Variants in CALCR observed in about 807,000 individuals in gnomAD.
CALCR encodes the protein calcitonin receptor.
In CALCR, 47 loss-of-function variants were observed where a neutral mutation model predicts 59.5. The observed-to-expected ratio is 0.79, with a 90% confidence interval of 0.63 to 1.01. The LOEUF (loss-of-function observed/expected upper bound fraction) is 1.01, where lower values mean the gene tolerates loss of function less well. CALCR is among the 50% of genes least tolerant of loss of function. CALCR has a pLI of 0.00. For synonymous variants in CALCR, 213 were observed against 211.3 expected (o/e 1.01, Z -0.07); for missense variants, 566 against 597.1 (o/e 0.95, Z 0.54).
At chr7:93,509,001 C>T (rs1801486881) in intron 2 of CALCR, among the ~76,000 whole-genome samples, 2 of 152,134 alleles carry the variant, frequency 1.3e-5, no homozygotes, top group Admixed American at 6.5e-5. Context: ...GCTATTCTAT[C>T]TCATCTCATG....
chr7:93,522,091 T>C (rs1393860803), intron 2 of CALCR, among the ~76,000 whole-genome samples: 1 of 152,120 alleles, frequency 6.6e-6, no homozygotes, highest in Admixed American at 6.6e-5. Flanking sequence ...TTTGCATGAG[T>C]GTCTGAGCGG....
At chr7:93,460,278 G>A (rs376382992) in intron 8 of CALCR, among the ~76,000 whole-genome samples, 51 of 152,004 alleles carry the variant, frequency 3.4e-4, no homozygotes, top group African/African-American at 1.2e-3. Context: ...GGTTTGGGCC[G>A]GGTGTGGTGG....
Position 93,428,571 on chromosome 7 carries a change from C to T in CALCR, c.1192-1982G>A, listed in dbSNP as rs1234376350. ...ATCCCAGCACTTTGGGAGGCCGAGG[C>T]GGGCAGATCATGAGATCAGGAGATC... On this transcript the variant is annotated intron_variant, in intron 13 of 13. Transcript: ENST00000426151. 7.9e-5 allele frequency among the ~76,000 whole-genome samples: 12 copies of T among 152,190 alleles called. No individual in the cohort carries two copies. In the East Asian group the frequency reaches 1.7e-3, roughly 22 times the overall value.
chr7:93,429,471 TTATATC>T (rs1197463772), intron 13 of CALCR, among the ~76,000 whole-genome samples: 16 of 152,218 alleles, frequency 1.1e-4, no homozygotes, highest in African/African-American at 2.9e-4. Flanking sequence ...TTTTTCCTGA[TTATATC>T]TATTTATGTA....
At chr7:93,440,104 T>G (rs1163014070) in intron 9 of CALCR, among the ~76,000 whole-genome samples, 1 of 152,164 alleles carries the variant, frequency 6.6e-6, no homozygotes, top group African/African-American at 2.4e-5. Context: ...ATTAAATGAA[T>G]GGGCTTTACA....
chr7:93,447,368 T>C (rs984889552), intron 8 of CALCR, among the ~76,000 whole-genome samples: 2 of 151,988 alleles, frequency 1.3e-5, no homozygotes, highest in African/African-American at 4.8e-5. Context: ...CTACATAACA[T>C]AGGAAATCTT....
At chr7:93,440,888 T>C (rs896872255) in intron 9 of CALCR, among the ~76,000 whole-genome samples, 2 of 152,168 alleles carry the variant, frequency 1.3e-5, no homozygotes, top group Admixed American at 6.5e-5. Flanking sequence ...CTAAGTGTAA[T>C]GTTCTTTGGG....
At chr7:93,557,383 A>G (rs997733067) in intron 2 of CALCR, among the ~76,000 whole-genome samples, 2 of 151,940 alleles carry the variant, frequency 1.3e-5, no homozygotes, top group African/African-American at 2.4e-5. Context: ...TAACATATAC[A>G]AGAAAAAAAT....
At position 93,436,879 on chromosome 7, in the gene CALCR, G is replaced by C. The variant is rs186600657; in HGVS notation, c.931-709C>G. 3.3e-5 allele frequency among the ~76,000 whole-genome samples: 5 copies of C among 152,184 alleles called. No individual in the cohort carries two copies. The East Asian group carries it at 9.7e-4, about 29-fold the overall frequency. ...TAAATACATGTTTGATATTTTTTCT[G>C]TATGTATATCTTATTGACCATCTCC... On this transcript the variant is annotated intron_variant, in intron 11 of 13. Coordinates refer to ENST00000426151, the MANE Select transcript of CALCR (RefSeq NM_001742.4).
At chr7:93,498,482 A>C (rs547266501) in intron 2 of CALCR, among the ~76,000 whole-genome samples, 1 of 151,850 alleles carries the variant, frequency 6.6e-6, no homozygotes, top group South Asian at 2.1e-4. Flanking sequence ...AACCTCACGT[A>C]TACTTTATAG....
At chr7:93,444,687 C>T (rs753359469) in intron 8 of CALCR, among the ~76,000 whole-genome samples, 1 of 152,004 alleles carries the variant, frequency 6.6e-6, no homozygotes, top group Non-Finnish European at 1.5e-5. Context: ...GTTGAGGATG[C>T]GTGACTGAGG....
At chr7:93,521,898 G>A (rs563964251) in intron 2 of CALCR, among the ~76,000 whole-genome samples, 33 of 152,182 alleles carry the variant, frequency 2.2e-4, no homozygotes, top group Non-Finnish European at 4.4e-4. Flanking sequence ...TTGTTATGTG[G>A]TCAAGCTCTG....
At chr7:93,510,965 T>A (rs1801533555) in intron 2 of CALCR, among the ~76,000 whole-genome samples, 1 of 151,918 alleles carries the variant, frequency 6.6e-6, no homozygotes, top group Admixed American at 6.6e-5. Context: ...GAAGCAAAGC[T>A]AGTTAGGGAA....
rs536760099 is a variant in CALCR, at chr7:93,499,689, G to A, written c.-26-12682C>T. ...TGAAACTCTGGTAAATATATGATTG[G>A]TTAAATATGTTGGTGCTTGGTTTTG... On this transcript the variant is annotated intron_variant, in intron 2 of 13. Coordinates refer to ENST00000426151, the MANE Select transcript of CALCR (RefSeq NM_001742.4). Among the ~76,000 whole-genome samples the A allele has an allele frequency of 1.9e-3, 283 of 151,814 alleles. 1 individual carries two copies. The highest frequency in any genetic ancestry group is 6.6e-3 in the African/African-American group (273 of 41,496).
chr7:93,512,199 ACAGAAAGGAC>A (rs1801560687), intron 2 of CALCR, among the ~76,000 whole-genome samples: 4 of 152,156 alleles, frequency 2.6e-5, no homozygotes, highest in Admixed American at 2.6e-4. Context: ...TGTGACTATT[ACAGAAAGGAC>A]CTCAAAACGT....
chr7:93,459,435 C>G (rs934851939), intron 8 of CALCR, among the ~76,000 whole-genome samples: 1 of 149,822 alleles, frequency 6.7e-6, no homozygotes, highest in African/African-American at 2.5e-5. Context: ...CCTCCAAAAT[C>G]CTTTTTAGTT....
At chr7:93,483,187 T>C (rs1424955282) in intron 3 of CALCR, among the ~76,000 whole-genome samples, 1 of 151,890 alleles carries the variant, frequency 6.6e-6, no homozygotes, top group African/African-American at 2.4e-5. Context: ...TATTTGCATA[T>C]AACCTATGTA....
At chr7:93,558,432 T>G (rs1459773388) in intron 2 of CALCR, among the ~76,000 whole-genome samples, 1 of 152,076 alleles carries the variant, frequency 6.6e-6, no homozygotes. Context: ...GAAAAAATAT[T>G]TCCTGGAACT....
chr7:93,450,786 C>G (rs1043649899), intron 8 of CALCR, among the ~76,000 whole-genome samples: 4 of 152,012 alleles, frequency 2.6e-5, no homozygotes, highest in African/African-American at 7.2e-5. Context: ...AGGAGCTACT[C>G]AGCCATCACC....
Sources: allele counts gnomAD v4.1 joint callset (sites outside exome capture counted in the v4.1 genomes callset), GRCh38; gene constraint gnomAD v4.1.1; transcripts MANE v1.5; gene names NCBI Gene and HGNC (gene_info 2026-07-23, HGNC 2026-07-21).